PKIB: variants seen among roughly 807,000 people sequenced by gnomAD.
PKIB encodes PKI-beta.
PKIB carries 2 observed loss-of-function variants against 4.5 expected under a neutral mutation model. The ratio of observed to expected loss-of-function variants is 0.44; its 90% CI spans 0.18 to 1.39. The LOEUF is 1.39. Ranked by LOEUF, PKIB falls within the 40% of genes most tolerant of loss-of-function variation. The pLI, the probability that PKIB is intolerant of heterozygous loss-of-function variation, is 0.27. For synonymous variants in PKIB, 38 were observed against 36.0 expected (o/e 1.06, Z -0.20); for missense variants, 94 against 92.6 (o/e 1.02, Z -0.06).
chr6:122,701,586 C>T, intron 3 of PKIB: 1 of 1,482,118 alleles, frequency 6.7e-7, no homozygotes. Context: ...TAGGCCATAG[C>T]TCAAGCCCAT....
At chr6:122,686,048 A>G (rs1778080695) in intron 3 of PKIB, among the ~76,000 whole-genome samples, 1 of 152,140 alleles carries the variant, frequency 6.6e-6, no homozygotes, top group Admixed American at 6.5e-5. Flanking sequence ...TTCTTTATCC[A>G]TTCATCTTCT....
At chr6:122,473,161 A>G (rs975832716) in intron 1 of PKIB, among the ~76,000 whole-genome samples, 1 of 152,236 alleles carries the variant, frequency 6.6e-6, no homozygotes, top group African/African-American at 2.4e-5. Context: ...AATATTTTTA[A>G]TTATGCTAAA....
At position 122,703,951 on chromosome 6, in the gene PKIB, G is replaced by T. The variant is rs1036384174; in HGVS notation, c.-8-13836G>T. Among the ~76,000 whole-genome samples, 244 of 123,124 alleles carry T rather than the reference G, an allele frequency of 2.0e-3. 2 individuals are homozygous for T. The East Asian group carries it at 0.022, about 11-fold the overall frequency. 80.8% of individuals were successfully genotyped at this position (123,124 alleles called of 152,430 possible). On this transcript the variant is annotated intron_variant, in intron 3 of 4. Transcript: ENST00000368452. ...ATATATATATATATATAGAGAGAGA[G>T]AGAGAGAGAGAGAGAGAGAGAGAAA...
At chr6:122,506,295 GT>G (rs1464822005) in intron 2 of PKIB, among the ~76,000 whole-genome samples, 1 of 152,118 alleles carries the variant, frequency 6.6e-6, no homozygotes, top group Non-Finnish European at 1.5e-5. Context: ...ATAAAAGGAG[GT>G]TTGACAGAAC....
intron 2 of PKIB, chr6:122,480,042 A>AT (rs766078930): frequency 3.2e-3 from 458 of 144,864 alleles, no homozygotes; most frequent in Middle Eastern, 7.2e-3. Context: ...ACCATAGTCA[A>AT]TTTTTTTTTT....
chr6:122,565,927 CCT>C (rs925207786), intron 2 of PKIB, among the ~76,000 whole-genome samples: 4 of 152,226 alleles, frequency 2.6e-5, no homozygotes, highest in African/African-American at 9.6e-5. Flanking sequence ...ACCACTTTTA[CCT>C]CTGTTTTCCT....
chr6:122,573,823 T>C (rs534120706), intron 2 of PKIB, among the ~76,000 whole-genome samples: 2 of 152,248 alleles, frequency 1.3e-5, no homozygotes, highest in East Asian at 1.9e-4. Flanking sequence ...TCATACTGAA[T>C]GGGAAAAAGT....
chr6:122,518,485 C>T (rs1020760698), intron 2 of PKIB, among the ~76,000 whole-genome samples: 2 of 152,084 alleles, frequency 1.3e-5, no homozygotes, highest in African/African-American at 4.8e-5. Flanking sequence ...GAGGGAGCAG[C>T]ACCCTGCTTT....
chr6:122,703,512 G>A (rs190867437), intron 3 of PKIB, among the ~76,000 whole-genome samples: 244 of 151,968 alleles, frequency 1.6e-3, no homozygotes, highest in African/African-American at 5.6e-3. Context: ...AAGTATAAAT[G>A]ACTAAGTAAT....
chr6:122,515,523 A>G (rs1184072974), intron 2 of PKIB, among the ~76,000 whole-genome samples: 1 of 152,252 alleles, frequency 6.6e-6, no homozygotes, highest in Non-Finnish European at 1.5e-5. Flanking sequence ...ATTTTTAAAT[A>G]CAACACAAAC....
intron 1 of PKIB, among the ~76,000 whole-genome samples, chr6:122,632,412 G>A (rs1775739568): frequency 6.6e-6 from 1 of 152,156 alleles, no homozygotes; most frequent in Non-Finnish European, 1.5e-5. Context: ...TTTACTATGT[G>A]TCTGCTCAAA....
At chr6:122,497,231 A>G (rs1224716834) in intron 2 of PKIB, among the ~76,000 whole-genome samples, 3 of 152,224 alleles carry the variant, frequency 2.0e-5, no homozygotes, top group Non-Finnish European at 2.9e-5. Context: ...CAGGAAGTTT[A>G]AACATGGAAA....
chr6:122,482,085 C>G (rs1036964800), intron 2 of PKIB: 1 of 152,208 alleles, frequency 6.6e-6, no homozygotes, highest in Non-Finnish European at 1.5e-5. Flanking sequence ...CTCAGCCTCG[C>G]GAGTAGCTGG....
intron 1 of PKIB, among the ~76,000 whole-genome samples, chr6:122,611,483 A>T (rs1230987005): frequency 6.6e-6 from 1 of 152,218 alleles, no homozygotes; most frequent in Non-Finnish European, 1.5e-5. Context: ...TGGAAAGTGG[A>T]GATTTGAGGC....
chr6:122,590,429 A>C (rs1028173197), intron 3 of PKIB, among the ~76,000 whole-genome samples: 1 of 152,102 alleles, frequency 6.6e-6, no homozygotes, highest in Non-Finnish European at 1.5e-5. Flanking sequence ...TTTTTTGAAG[A>C]CAATAATACT....
chr6:122,692,777 G>T (rs976358417), intron 3 of PKIB, among the ~76,000 whole-genome samples: 2 of 152,106 alleles, frequency 1.3e-5, no homozygotes, highest in Non-Finnish European at 2.9e-5. Context: ...ATAGGTAGAG[G>T]CTTCTATTCA....
chr6:122,526,702 C>A (rs1252534151), intron 2 of PKIB, among the ~76,000 whole-genome samples: 1 of 152,004 alleles, frequency 6.6e-6, no homozygotes, highest in Non-Finnish European at 1.5e-5. Flanking sequence ...AGAGCACAAG[C>A]AGAGTAGATT....
chr6:122,497,533 A>G (rs1431391977), intron 2 of PKIB, among the ~76,000 whole-genome samples: 1 of 152,218 alleles, frequency 6.6e-6, no homozygotes, highest in Non-Finnish European at 1.5e-5. Context: ...AAGATCTATC[A>G]TGTAAGTGGA....
chr6:122,695,283 C>G (rs749490315), intron 3 of PKIB, among the ~76,000 whole-genome samples: 1 of 151,982 alleles, frequency 6.6e-6, no homozygotes, highest in Non-Finnish European at 1.5e-5. Context: ...AGGATTATAC[C>G]ACCAATGAGA....
Sources: allele counts gnomAD v4.1 joint callset (sites outside exome capture counted in the v4.1 genomes callset), GRCh38; gene constraint gnomAD v4.1.1; transcripts MANE v1.5; gene names NCBI Gene and HGNC (gene_info 2026-07-23, HGNC 2026-07-21).